PCDHA10: variants seen among roughly 807,000 people sequenced by gnomAD.
PCDHA10 encodes protocadherin alpha-10.
In PCDHA10, 45 loss-of-function variants were observed where a neutral mutation model predicts 61.2. The ratio of observed to expected loss-of-function variants is 0.74; its 90% confidence interval spans 0.58 to 0.94. The LOEUF is 0.94. Among genes scored for constraint, PCDHA10 ranks in the 40% least tolerant of loss-of-function variants. The pLI is 0.00. For missense variants in PCDHA10, 1,278 were observed against 1,236.2 expected, an observed-to-expected ratio of 1.03 and a Z score of -0.51; for synonymous variants, 602 against 548.8, an observed-to-expected ratio of 1.10 and a Z score of -1.35.
chr5:140,963,175 T>C (rs1408160891), intron 1 of PCDHA10, among the ~76,000 whole-genome samples: 1 of 152,046 alleles, frequency 6.6e-6, no homozygotes, highest in East Asian at 1.9e-4. Context: ...ATCTTACAGA[T>C]ATGCTGTAGA....
At chr5:140,926,783 C>T (rs1230665699) in intron 1 of PCDHA10, 2 of 1,410,186 alleles carry the variant, frequency 1.4e-6, no homozygotes, top group Non-Finnish European at 1.8e-6. Flanking sequence ...CAGTGACGGC[C>T]GGCAGGAGCG....
chr5:140,916,174 C>A (rs2077467805), intron 1 of PCDHA10, among the ~76,000 whole-genome samples: 1 of 152,124 alleles, frequency 6.6e-6, no homozygotes, highest in Non-Finnish European at 1.5e-5. Flanking sequence ...AGGCCTGGGA[C>A]TCTTCAAGGA....
In PCDHA10 at chr5:140,875,833, G is replaced by A. The variant is rs782436615; in HGVS notation, c.2388+17397G>A. 1 of 1,614,220 alleles carries A rather than the reference G, an allele frequency of 6.2e-7. No homozygotes were observed. Among genetic ancestry groups the A allele is most frequent in the Non-Finnish European group, 8.5e-7 (1 of 1,180,044 alleles). On this transcript the variant is annotated intron_variant, in intron 1 of 3. Coordinates refer to ENST00000307360, the MANE Select transcript of PCDHA10 (RefSeq NM_018901.4). ...GCCGCTGCAGGTTTTCCATGTGGAC[G>A]TGGAGGTGAAGGACATTAACGACAA...
At chr5:140,941,247 C>CT (rs1398354432) in intron 1 of PCDHA10, among the ~76,000 whole-genome samples, 1 of 128,506 alleles carries the variant, frequency 7.8e-6, no homozygotes, top group African/African-American at 2.9e-5. Context: ...TTCTTTCTTT[C>CT]TTTCTTTCTC....
At chr5:140,900,957 A>C (rs1264192105) in intron 1 of PCDHA10, among the ~76,000 whole-genome samples, 1 of 152,206 alleles carries the variant, frequency 6.6e-6, no homozygotes, top group African/African-American at 2.4e-5. Flanking sequence ...TCTGATTATC[A>C]GTGATGTTGA....
chr5:140,893,050 A>T (rs967159859), intron 1 of PCDHA10, among the ~76,000 whole-genome samples: 1 of 152,248 alleles, frequency 6.6e-6, no homozygotes, highest in Non-Finnish European at 1.5e-5. Context: ...CTCCAGGCTC[A>T]GCCATACTGC....
At chr5:140,920,632 T>G (rs1054888668) in intron 1 of PCDHA10, among the ~76,000 whole-genome samples, 1 of 152,018 alleles carries the variant, frequency 6.6e-6, no homozygotes, top group South Asian at 2.1e-4. Context: ...GATCACAAGG[T>G]CAAGAGATTG....
At position 140,967,719 on chromosome 5, in the gene PCDHA10, G is replaced by A. The variant is rs1422649398; in HGVS notation, c.2389-11230G>A. On this transcript the variant is annotated intron_variant, in intron 1 of 3. Coordinates refer to ENST00000307360, the MANE Select transcript of PCDHA10 (RefSeq NM_018901.4). ...ATAGATGCCAGTACCGGGGAAGTGC[G>A]AGTAATTGGGGGGCTGGATTATGAG... 3 of 1,614,052 alleles carry A rather than the reference G, an allele frequency of 1.9e-6. No individual in the cohort carries two copies. In the African/African-American group the frequency reaches 4.0e-5, roughly 22 times the overall value.
chr5:140,915,363 G>C (rs1554196864), intron 1 of PCDHA10, among the ~76,000 whole-genome samples: 1 of 152,136 alleles, frequency 6.6e-6, no homozygotes, highest in Non-Finnish European at 1.5e-5. Context: ...ATTCTTACCA[G>C]TAAGTGTCTC....
intron 1 of PCDHA10, among the ~76,000 whole-genome samples, chr5:140,941,126 G>T (rs1194807243): frequency 6.6e-6 from 1 of 151,906 alleles, no homozygotes; most frequent in Non-Finnish European, 1.5e-5. Flanking sequence ...GTCCTTTGAA[G>T]TTCCAGCTTA....
intron 1 of PCDHA10, chr5:140,877,904 A>G (rs1421896402): frequency 7.0e-7 from 1 of 1,436,098 alleles, no homozygotes; most frequent in East Asian, 2.5e-5. Context: ...GGTTATAACT[A>G]CATTCTCTCA....
In PCDHA10 at chr5:140,933,676, AT is replaced by A. The variant is rs1400784175; in HGVS notation, c.2389-45265del. 1.4e-4 allele frequency among the ~76,000 whole-genome samples: 21 copies of A among 151,552 alleles called. 1 individual carries two copies. Among genetic ancestry groups the A allele is most frequent in the Admixed American group, 1.3e-3 (19 of 15,194 alleles). On this transcript the variant is annotated intron_variant, in intron 1 of 3. Coordinates refer to ENST00000307360, the MANE Select transcript of PCDHA10 (RefSeq NM_018901.4). Reference sequence around the variant, plus strand: ...CTGTCTCTCTCTCTGTCTCTCTCACATTTTTTTTCCTATTCCTCGGACACAT... The same window carrying A: ...CTGTCTCTCTCTCTGTCTCTCTCACATTTTTTTCCTATTCCTCGGACACAT...
chr5:140,942,840 T>C (rs75984395), intron 1 of PCDHA10, among the ~76,000 whole-genome samples: 6,117 of 152,206 alleles, frequency 0.04, 136 homozygotes, highest in Non-Finnish European at 0.052. Context: ...CAATAAAAAT[T>C]CCAGTAAGAT....
At chr5:140,925,978 T>G (rs2082847274) in intron 1 of PCDHA10, among the ~76,000 whole-genome samples, 1 of 152,164 alleles carries the variant, frequency 6.6e-6, no homozygotes, top group Admixed American at 6.5e-5. Flanking sequence ...AAAAAAGCCT[T>G]GAGCTCGCTG....
In PCDHA10 at chr5:140,883,821, A is replaced by T; in HGVS notation, c.2388+25385A>T. ...GTGCACGCGGAGAGCGGCAAGGTGT[A>T]CGCGCTGCAGCCGTTGGACCACGAG... On this transcript the variant is annotated intron_variant, in intron 1 of 3. Transcript: ENST00000307360. 6.2e-7 allele frequency: 1 copy of T among 1,612,450 alleles called. No individual in the cohort carries two copies. The highest frequency in any genetic ancestry group is 8.5e-7 in the Non-Finnish European group (1 of 1,179,756).
At chr5:140,922,865 G>A (rs1554201014) in intron 1 of PCDHA10, among the ~76,000 whole-genome samples, 1 of 152,062 alleles carries the variant, frequency 6.6e-6, no homozygotes, top group Non-Finnish European at 1.5e-5. Flanking sequence ...ATAGACAAGG[G>A]GAAAAAATCC....
chr5:140,862,809 G>C (rs782185253), intron 1 of PCDHA10: 2 of 572,722 alleles, frequency 3.5e-6, no homozygotes, highest in South Asian at 1.4e-5. Context: ...AGCTGCTGCA[G>C]TTCTAGGTGA....
chr5:140,985,902 T>G (rs1026675848), intron 3 of PCDHA10, among the ~76,000 whole-genome samples: 2 of 151,212 alleles, frequency 1.3e-5, no homozygotes, highest in Non-Finnish European at 2.9e-5. Flanking sequence ...ACCACTCCCG[T>G]CTAATTTTTT....
chr5:140,924,996 T>G (rs960105846), intron 1 of PCDHA10, among the ~76,000 whole-genome samples: 1 of 151,078 alleles, frequency 6.6e-6, no homozygotes, highest in African/African-American at 2.4e-5. Flanking sequence ...ATCCTAGCAC[T>G]TTAGGAGGCT....
Sources: gnomAD v4.1 joint callset for allele counts (sites outside exome capture counted in the v4.1 genomes callset) on GRCh38, gnomAD v4.1.1 for gene constraint, MANE v1.5 for transcripts, NCBI Gene and HGNC (gene_info 2026-07-23, HGNC 2026-07-21) for gene names.